Variants in TENM3 observed in about 807,000 individuals in gnomAD.
The protein encoded by TENM3 is teneurin transmembrane protein 3, also known as teneurin-3.
TENM3 carries 63 observed loss-of-function variants against 255.1 expected under a neutral mutation model. That is an observed-to-expected ratio of 0.25 (90% CI 0.20 to 0.30). The LOEUF is 0.30. Among genes scored for constraint, TENM3 ranks in the 10% least tolerant of loss-of-function variants. The probability of loss-of-function intolerance (pLI) is 1.00; values close to 1 mark genes in which losing one functional copy is unlikely to be tolerated. For synonymous variants in TENM3, 1,306 were observed against 1,322.3 expected (o/e 0.99, Z 0.27); for missense variants, 2,929 against 3,461.1 (o/e 0.85, Z 3.86).
At chr4:182,785,524 A>G (rs934570726) in intron 24 of TENM3, among the ~76,000 whole-genome samples, 2 of 151,452 alleles carry the variant, frequency 1.3e-5, no homozygotes, top group Admixed American at 1.3e-4. Flanking sequence ...CCAGGGCAAC[A>G]TGGGGAGACC....
chr4:182,456,079 C>T (rs745727759), intron 3 of TENM3, among the ~76,000 whole-genome samples: 1 of 152,128 alleles, frequency 6.6e-6, no homozygotes, highest in Admixed American at 6.5e-5. Context: ...CCATAAGTCT[C>T]GAATGCTTAT....
At chr4:182,449,493 T>A (rs1773273336) in intron 3 of TENM3, among the ~76,000 whole-genome samples, 1 of 151,992 alleles carries the variant, frequency 6.6e-6, no homozygotes, top group Admixed American at 6.6e-5. Context: ...TAGTGTACTG[T>A]CCTAATCCGT....
chr4:182,192,728 T>G (rs1459968945), intron 1 of TENM3, among the ~76,000 whole-genome samples: 1 of 152,198 alleles, frequency 6.6e-6, no homozygotes, highest in Admixed American at 6.5e-5. Flanking sequence ...TTTCCCAAGA[T>G]AAGTGTGGGG....
At chr4:181,644,309 G>A in the TENM3 span, among the ~76,000 whole-genome samples, 4 of 151,998 alleles carry the variant, frequency 2.6e-5, no homozygotes, top group African/African-American at 9.7e-5. Context: ...GTCATGAGGA[G>A]GGAGGCGGAC....
chr4:182,227,625 A>T, intron 1 of TENM3, among the ~76,000 whole-genome samples: 1 of 148,672 alleles, frequency 6.7e-6, no homozygotes, highest in East Asian at 2.0e-4. Context: ...TTCTTCGTGT[A>T]GATGTGCAGG....
chr4:182,382,635 G>A (rs1245847043), intron 3 of TENM3, among the ~76,000 whole-genome samples: 3 of 151,996 alleles, frequency 2.0e-5, no homozygotes, highest in African/African-American at 7.3e-5. Context: ...CATCAGGTCC[G>A]GGGTGCCCAG....
intron 6 of TENM3, among the ~76,000 whole-genome samples, chr4:182,663,125 TG>T (rs1754365165): frequency 1.5e-5 from 1 of 65,952 alleles, no homozygotes; most frequent in Non-Finnish European, 3.8e-5. Context: ...ATTCTAAGAC[TG>T]TAATTCAGAA....
chr4:181,836,635 A>T, the TENM3 span, among the ~76,000 whole-genome samples: 1 of 152,252 alleles, frequency 6.6e-6, no homozygotes, highest in East Asian at 1.9e-4. Context: ...ACTCTATTTC[A>T]TTAGTCAGCT....
At chr4:181,605,568 A>AAGAAAGAGAGAGAGAG in the TENM3 span, among the ~76,000 whole-genome samples, 34 of 42,202 alleles carry the variant, frequency 8.1e-4, 5 homozygotes, top group African/African-American at 2.9e-3. Context: ...GAAAGAAAGA[A>AAGAAAGAGAGAGAGAG]AGAGAGAGAA....
At position 182,377,060 on chromosome 4, in the gene TENM3, A is replaced by G. The variant is rs866334886; in HGVS notation, c.511+30131A>G. ...TAATCCGTCCGCACTGTCTCCTTCC[A>G]CTCTTAAACATGTCTTGGTTTGGTC... On this transcript the variant is annotated intron_variant, in intron 3 of 27. Transcript: ENST00000511685. 3.3e-5 allele frequency among the ~76,000 whole-genome samples: 5 copies of G among 152,012 alleles called. No homozygotes were observed. In the Middle Eastern group the frequency reaches 0.01, roughly 310 times the overall value.
At chr4:181,822,330 C>T in the TENM3 span, among the ~76,000 whole-genome samples, 2 of 152,090 alleles carry the variant, frequency 1.3e-5, no homozygotes, top group African/African-American at 4.8e-5. Flanking sequence ...CTTTAAAATC[C>T]TCAAACTTTG....
chr4:182,168,774 A>C (rs1234160233), intron 1 of TENM3, among the ~76,000 whole-genome samples: 2 of 151,904 alleles, frequency 1.3e-5, no homozygotes, highest in African/African-American at 4.8e-5. Context: ...TTTGTGTTGA[A>C]TTTTCTTCTC....
At chr4:181,500,407 G>A in the TENM3 span, among the ~76,000 whole-genome samples, 1 of 151,906 alleles carries the variant, frequency 6.6e-6, no homozygotes, top group African/African-American at 2.4e-5. Flanking sequence ...GGGGGAGGCT[G>A]GACACAGGGA....
intron 4 of TENM3, among the ~76,000 whole-genome samples, chr4:182,607,252 A>G (rs185194194): frequency 6.6e-6 from 1 of 152,174 alleles, no homozygotes; most frequent in African/African-American, 2.4e-5. Flanking sequence ...TAAGAAAAGC[A>G]TTTGTCTTAA....
At chr4:181,533,981 A>G in the TENM3 span, among the ~76,000 whole-genome samples, 1 of 152,252 alleles carries the variant, frequency 6.6e-6, no homozygotes, top group Non-Finnish European at 1.5e-5. Flanking sequence ...ATTGGATCTC[A>G]GTGAATCTAG....
chr4:181,966,156 A>G, the TENM3 span, among the ~76,000 whole-genome samples: 3 of 152,198 alleles, frequency 2.0e-5, no homozygotes, highest in Admixed American at 2.0e-4. Context: ...CGATGAAGCC[A>G]CAGACCTCAT....
At chr4:182,533,845 G>A (rs564026596) in intron 3 of TENM3, among the ~76,000 whole-genome samples, 2 of 151,984 alleles carry the variant, frequency 1.3e-5, no homozygotes, top group South Asian at 4.2e-4. Flanking sequence ...TGTGGGAGGG[G>A]GAGGTTGCAG....
At chr4:181,795,784 G>A in the TENM3 span, among the ~76,000 whole-genome samples, 6 of 152,328 alleles carry the variant, frequency 3.9e-5, no homozygotes, top group Middle Eastern at 3.4e-3. Flanking sequence ...AGGTGCCAAA[G>A]AGGATATTAT....
intron 5 of TENM3, among the ~76,000 whole-genome samples, chr4:182,647,522 G>A (rs1752859457): frequency 6.6e-6 from 1 of 152,150 alleles, no homozygotes; most frequent in Non-Finnish European, 1.5e-5. Context: ...AAGTCCTCAA[G>A]GTTTGCATGT....
Sources: allele counts gnomAD v4.1 joint callset (sites outside exome capture counted in the v4.1 genomes callset), GRCh38; gene constraint gnomAD v4.1.1; transcripts MANE v1.5; gene names NCBI Gene and HGNC (gene_info 2026-07-23, HGNC 2026-07-21).